The following ANKRD28 variants were observed in gnomAD, a reference collection of about 807,000 sequenced individuals.
ANKRD28 encodes serine/threonine-protein phosphatase 6 regulatory ankyrin repeat subunit A.
Under a neutral mutation model 126.5 loss-of-function variants are expected in ANKRD28, and 44 were observed. The ratio of observed to expected loss-of-function variants is 0.35; its 90% CI spans 0.27 to 0.45. The LOEUF is 0.45. ANKRD28 is among the 20% of genes least tolerant of loss of function. ANKRD28 has a pLI of 1.00. For missense variants in ANKRD28, 1,110 were observed against 1,316.6 expected (o/e 0.84, Z 2.43); for synonymous variants, 442 against 468.5 (o/e 0.94, Z 0.73).
rs1375720960 is a variant in ANKRD28, at chr3:15,678,340, G to A, written c.2576C>T (p.Ala859Val). Residue 859 changes from alanine to valine, a missense_variant, in exon 24 of 28, where the codon GCA becomes GTA. By Grantham distance (64) the Ala-to-Val change is moderately conservative. Coordinates refer to ENST00000683139, the MANE Select transcript of ANKRD28 (RefSeq NM_001349278.2). ...TDSKGRTPLHAAAFTDHVECL... is the reference protein window; with the variant it reads ...TDSKGRTPLHVAAFTDHVECL... The stretch of plus-strand genomic sequence containing the variant: ...CTCTACATGGTCTGTGAAGGCGGCT[G>A]CATGGAGAGGAGTTCTGTGATAAAG... 1.2e-6 allele frequency: 2 copies of A among 1,604,670 alleles called. No homozygotes were observed. The highest frequency in any genetic ancestry group is 1.3e-5 in the African/African-American group (1 of 74,746).
intron 1 of ANKRD28, among the ~76,000 whole-genome samples, chr3:15,828,046 T>C (rs2061106501): frequency 6.6e-6 from 1 of 152,178 alleles, no homozygotes; most frequent in African/African-American, 2.4e-5. Flanking sequence ...GAATAGCTAT[T>C]ATTAAAAATT....
At chr3:15,709,408 G>T (rs574495307) in intron 13 of ANKRD28, among the ~76,000 whole-genome samples, 183 of 152,056 alleles carry the variant, frequency 1.2e-3, no homozygotes, top group Non-Finnish European at 2.4e-3. Flanking sequence ...TTTTGGAGGG[G>T]GGGAAGTGAT....
upstream of ANKRD28, among the ~76,000 whole-genome samples, chr3:15,802,780 A>G (rs906681770): frequency 6.6e-6 from 1 of 152,236 alleles, no homozygotes; most frequent in Non-Finnish European, 1.5e-5. Flanking sequence ...AATGAGAAAC[A>G]GGCTCAGTAA....
intron 2 of ANKRD28, among the ~76,000 whole-genome samples, chr3:15,776,721 A>T (rs1226712840): frequency 6.6e-6 from 1 of 152,190 alleles, no homozygotes; most frequent in Non-Finnish European, 1.5e-5. Flanking sequence ...TCACATATTC[A>T]TTAAATTGTA....
At chr3:15,794,516 G>A (rs1161723484) in intron 2 of ANKRD28, among the ~76,000 whole-genome samples, 1 of 152,120 alleles carries the variant, frequency 6.6e-6, no homozygotes, top group Non-Finnish European at 1.5e-5. Context: ...ATTAGTGGAT[G>A]TAATTTTGTT....
intron 6 of ANKRD28, among the ~76,000 whole-genome samples, chr3:15,731,195 G>T (rs988709556): frequency 6.6e-6 from 1 of 152,172 alleles, no homozygotes; most frequent in Non-Finnish European, 1.5e-5. Flanking sequence ...GACACTTAGC[G>T]GGTGAGAAAC....
rs571407025 is a variant in ANKRD28, at chr3:15,843,960, G to C, written c.27+15417C>G. On this transcript the variant is annotated intron_variant, in intron 1 of 27. Coordinates refer to the ANKRD28 transcript ENST00000399451. This position sits in a 1 kb window ranked among gnomAD's most constrained non-coding sequence, Gnocchi z 5.2. The stretch of plus-strand genomic sequence containing the variant: ...TTGGGCCAAAAGGGCTAAAGGAAGG[G>C]AGGTTAAGGTGGAAATGCAGGAACG... Among the ~76,000 whole-genome samples the C allele has an allele frequency of 9.9e-5, 15 of 152,256 alleles. No individual in the cohort carries two copies. Among genetic ancestry groups the C allele is most frequent in the African/African-American group, 3.1e-4 (13 of 41,546 alleles).
intron 14 of ANKRD28, among the ~76,000 whole-genome samples, chr3:15,705,836 T>C (rs960455855): frequency 4.0e-5 from 6 of 150,174 alleles, no homozygotes; most frequent in African/African-American, 1.2e-4. Context: ...CTGTCTCTAC[T>C]AAAATTACAA....
chr3:15,707,387 C>T (rs1458448979), intron 14 of ANKRD28, among the ~76,000 whole-genome samples: 1 of 152,180 alleles, frequency 6.6e-6, no homozygotes, highest in East Asian at 1.9e-4. Flanking sequence ...CCAACATTTA[C>T]TTATTCTGCC....
rs368366315 is a variant in ANKRD28 at position 15,735,542 on chromosome 3, A to G, written c.553-45T>C. On this transcript the variant is annotated intron_variant, in intron 5 of 27. Coordinates refer to ENST00000683139, the MANE Select transcript of ANKRD28 (RefSeq NM_001349278.2). Reference sequence around the variant, plus strand: ...AGTGTCATCAAAATTGTGAAGCACAATTGTCTATGAATGTACATTTCTGAC... The same window carrying G: ...AGTGTCATCAAAATTGTGAAGCACAGTTGTCTATGAATGTACATTTCTGAC... 1.4e-3 allele frequency: 1,945 copies of G among 1,400,060 alleles called. 3 individuals are homozygous for G. The highest frequency in any genetic ancestry group is 1.7e-3 in the Non-Finnish European group (1,779 of 1,018,202). 86.7% of individuals were successfully genotyped at this position (1,400,060 alleles called of 1,614,324 possible).
At chr3:15,781,349 GTGGGGAAGATCTGCCCTCAT>G (rs2059532273) in intron 2 of ANKRD28, 1 of 151,938 alleles carries the variant, frequency 6.6e-6, no homozygotes, top group South Asian at 2.1e-4. Flanking sequence ...AGTGGACTGA[GTGGGGAAGATCTGCCCTCAT>G]TGTGGGCAGG....
rs1293441314 is a variant in ANKRD28 at position 15,838,726 on chromosome 3, C to A, written c.27+20651G>T. Reference sequence around the variant, plus strand: ...CCACGCCACTGCACTCCAGCCTGGGCAACAAGAACGAAACTCCGTCTCAAA... The same window carrying A: ...CCACGCCACTGCACTCCAGCCTGGGAAACAAGAACGAAACTCCGTCTCAAA... On this transcript the variant is annotated intron_variant, in intron 1 of 27. Coordinates refer to the ANKRD28 transcript ENST00000399451. This position sits in a 1 kb window ranked among gnomAD's most constrained non-coding sequence, Gnocchi z 4.0. 2.1e-5 allele frequency among the ~76,000 whole-genome samples: 3 copies of A among 146,208 alleles called. No individual in the cohort carries two copies. Among genetic ancestry groups the A allele is most frequent in the African/African-American group, 5.0e-5 (2 of 39,816 alleles).
chr3:15,791,860 G>C lies in ANKRD28; in HGVS notation c.201+3363C>G, dbSNP rs560234264. Among the ~76,000 whole-genome samples, 4 of 152,218 alleles carry C rather than the reference G, an allele frequency of 2.6e-5. No homozygotes were observed. The South Asian group carries it at 8.3e-4, about 32-fold the overall frequency. On this transcript the variant is annotated intron_variant, in intron 2 of 27. Transcript: ENST00000683139. ...TTTGCAAACTACCCCTCTGACAGGG[G>C]ACTAATAACCAGAATATAAGGAGCT...
intron 2 of ANKRD28, among the ~76,000 whole-genome samples, chr3:15,780,415 T>C (rs1246506879): frequency 1.3e-5 from 2 of 151,848 alleles, no homozygotes; most frequent in Non-Finnish European, 2.9e-5. Flanking sequence ...GAAAACAAAT[T>C]GAAGAAAACA....
intron 2 of ANKRD28, among the ~76,000 whole-genome samples, chr3:15,789,090 C>CT (rs150463567): frequency 0.024 from 3,708 of 152,202 alleles, 162 homozygotes; most frequent in African/African-American, 0.082. Flanking sequence ...GTTTACAGTG[C>CT]TTCTTCCACA....
At chr3:15,742,202 T>C (rs1173925815) in intron 4 of ANKRD28, among the ~76,000 whole-genome samples, 1 of 148,240 alleles carries the variant, frequency 6.7e-6, no homozygotes. Flanking sequence ...CCGCCCATCG[T>C]CTGGGACGTG....
chr3:15,732,197 G>A (rs1337053418), intron 6 of ANKRD28: 1 of 152,242 alleles, frequency 6.6e-6, no homozygotes, highest in African/African-American at 2.4e-5. Context: ...GAAAGAGTTT[G>A]CCCCAATGGA....
intron 8 of ANKRD28, among the ~76,000 whole-genome samples, chr3:15,719,757 G>A (rs897955016): frequency 2.0e-5 from 3 of 151,950 alleles, no homozygotes; most frequent in Non-Finnish European, 4.4e-5. Flanking sequence ...GTCTTGCTAT[G>A]TTGCCCAGGC....
intron 18 of ANKRD28, among the ~76,000 whole-genome samples, chr3:15,689,218 GT>G (rs1253470973): frequency 1.3e-5 from 2 of 152,128 alleles, no homozygotes; most frequent in African/African-American, 4.8e-5. Flanking sequence ...GGGCCACTGG[GT>G]TTTAGAGGGA....
Sources: allele counts gnomAD v4.1 joint callset (sites outside exome capture counted in the v4.1 genomes callset), GRCh38; gene constraint gnomAD v4.1.1; non-coding constraint Gnocchi (gnomAD v3.1); transcripts MANE v1.5; gene names NCBI Gene and HGNC (gene_info 2026-07-23, HGNC 2026-07-21).